The following PAFAH1B1 variants were observed in gnomAD, a reference collection of about 807,000 sequenced individuals.
PAFAH1B1 encodes platelet activating factor acetylhydrolase 1b regulatory subunit 1.
A neutral mutation model predicts 57.5 loss-of-function variants in PAFAH1B1; 2 were observed. The ratio of observed to expected loss-of-function variants is 0.03; its 90% CI spans 0.01 to 0.11. The LOEUF is 0.11. Among genes scored for constraint, PAFAH1B1 ranks in the 10% least tolerant of loss-of-function variants. PAFAH1B1 has a pLI of 1.00. For synonymous variants in PAFAH1B1, 152 were observed against 169.6 expected (o/e 0.90, Z 0.81); for missense variants, 257 against 512.0 (o/e 0.50, Z 4.81).
At chr17:2,678,556 ACT>A (rs1000240502) in intron 9 of PAFAH1B1, among the ~76,000 whole-genome samples, 15 of 151,378 alleles carry the variant, frequency 9.9e-5, no homozygotes, top group African/African-American at 2.9e-4. Flanking sequence ...GTGAAGTAAG[ACT>A]CTGTCTCCAG....
intron 1 of PAFAH1B1, among the ~76,000 whole-genome samples, chr17:2,615,539 C>T (rs2068328144): frequency 6.6e-6 from 1 of 152,012 alleles, no homozygotes; most frequent in Non-Finnish European, 1.5e-5. Flanking sequence ...CGCCCGGGTT[C>T]AAGCGATTCT....
At chr17:2,604,426 A>G (rs1485217262) in intron 1 of PAFAH1B1, among the ~76,000 whole-genome samples, 1 of 152,190 alleles carries the variant, frequency 6.6e-6, no homozygotes, top group Non-Finnish European at 1.5e-5. Flanking sequence ...TATACCTTGT[A>G]TGTGACCTGT....
chr17:2,652,964 T>C (rs1348890661), intron 2 of PAFAH1B1, among the ~76,000 whole-genome samples: 1 of 152,172 alleles, frequency 6.6e-6, no homozygotes, highest in African/African-American at 2.4e-5. Context: ...TAAAGACACA[T>C]GCACACATAT....
Position 2,612,400 on chromosome 17 carries a change from G to T in PAFAH1B1, c.-191+18394G>T, listed in dbSNP as rs549695392. On this transcript the variant is annotated intron_variant, in intron 1 of 10. Transcript: ENST00000397195. Reference sequence around the variant, plus strand: ...TTGTATTTTTTTTAGTAGAGACGAGGTTTTGCCATGTTGGCCAGGCTGGTC... The same window carrying T: ...TTGTATTTTTTTTAGTAGAGACGAGTTTTTGCCATGTTGGCCAGGCTGGTC... 2.1e-3 allele frequency among the ~76,000 whole-genome samples: 321 copies of T among 151,662 alleles called. 1 individual carries two copies. The highest frequency in any genetic ancestry group is 3.6e-3 in the Non-Finnish European group (247 of 67,894).
At chr17:2,656,079 C>T (rs898817719) in intron 2 of PAFAH1B1, among the ~76,000 whole-genome samples, 5 of 152,042 alleles carry the variant, frequency 3.3e-5, no homozygotes, top group African/African-American at 9.7e-5. Flanking sequence ...TCTGCCACCA[C>T]GCCCGGCTAA....
chr17:2,678,906 A>G (rs779592510), intron 9 of PAFAH1B1, among the ~76,000 whole-genome samples: 18 of 152,200 alleles, frequency 1.2e-4, no homozygotes, highest in Non-Finnish European at 2.4e-4. Context: ...AAAATTTTGC[A>G]GTGCTGTGCT....
chr17:2,599,971 C>CT (rs34442256), intron 1 of PAFAH1B1, among the ~76,000 whole-genome samples: 10,964 of 82,734 alleles, frequency 0.13, 827 homozygotes, highest in African/African-American at 0.22. Context: ...CATTTTTAAC[C>CT]TTTTTTTTTT....
chr17:2,621,939 G>A (rs188385329), intron 1 of PAFAH1B1, among the ~76,000 whole-genome samples: 57 of 152,070 alleles, frequency 3.7e-4, no homozygotes, highest in African/African-American at 1.3e-3. Flanking sequence ...GGCAGGAGGC[G>A]AAAGGCACCT....
intron 1 of PAFAH1B1, among the ~76,000 whole-genome samples, chr17:2,612,349 G>A (rs1048264368): frequency 2.6e-5 from 4 of 151,622 alleles, no homozygotes; most frequent in South Asian, 4.2e-4. Context: ...GACTACAGGC[G>A]CGCACCACCA....
chr17:2,616,664 T>C (rs1340760818), intron 1 of PAFAH1B1, among the ~76,000 whole-genome samples: 1 of 152,222 alleles, frequency 6.6e-6, no homozygotes, highest in African/African-American at 2.4e-5. Flanking sequence ...TCTAAACTAT[T>C]GTTTGATCAA....
chr17:2,615,135 A>G (rs1388307695), intron 1 of PAFAH1B1, among the ~76,000 whole-genome samples: 1 of 152,212 alleles, frequency 6.6e-6, no homozygotes, highest in African/African-American at 2.4e-5. Context: ...TATAACAACT[A>G]TTTACATAGC....
At chr17:2,621,305 TGTAA>T (rs1285589666) in intron 1 of PAFAH1B1, among the ~76,000 whole-genome samples, 1 of 152,196 alleles carries the variant, frequency 6.6e-6, no homozygotes, top group East Asian at 1.9e-4. Flanking sequence ...AGCTCCCGCT[TGTAA>T]GTGAGAACAT....
chr17:2,626,700 G>T (rs1202300621), intron 1 of PAFAH1B1, among the ~76,000 whole-genome samples: 2 of 151,558 alleles, frequency 1.3e-5, no homozygotes, highest in African/African-American at 4.8e-5. Flanking sequence ...GATTACATGC[G>T]CGTGCCACCA....
intron 2 of PAFAH1B1, among the ~76,000 whole-genome samples, chr17:2,642,971 C>T (rs1396032494): frequency 1.3e-5 from 2 of 152,156 alleles, no homozygotes; most frequent in African/African-American, 4.8e-5. Flanking sequence ...TTACCCCCAA[C>T]TCCTTTCATC....
chr17:2,609,725 T>C (rs2068245258), intron 1 of PAFAH1B1, among the ~76,000 whole-genome samples: 2 of 151,882 alleles, frequency 1.3e-5, no homozygotes, highest in Admixed American at 6.6e-5. Flanking sequence ...TTGGCCAGGC[T>C]GGTCTCGAAC....
chr17:2,651,346 G>A (rs1194854131), intron 2 of PAFAH1B1, among the ~76,000 whole-genome samples: 2 of 150,462 alleles, frequency 1.3e-5, no homozygotes, highest in Non-Finnish European at 2.9e-5. Flanking sequence ...GGAGACTGAG[G>A]CAGGCGGAAC....
intron 2 of PAFAH1B1, among the ~76,000 whole-genome samples, chr17:2,664,665 G>GCGCTCTCTCTCTCTCTCT: frequency 2.8e-4 from 24 of 86,088 alleles, no homozygotes; most frequent in Non-Finnish European, 3.7e-4. Context: ...TCTATCTATC[G>GCGCTCTCTCTCTCTCTCT]CTCTCTCTCT....
intron 1 of PAFAH1B1, among the ~76,000 whole-genome samples, chr17:2,621,468 G>A (rs928771610): frequency 3.3e-5 from 5 of 152,158 alleles, no homozygotes; most frequent in African/African-American, 1.2e-4. Context: ...ACAGATTCTT[G>A]AAAGCAACTG....
intron 5 of PAFAH1B1, among the ~76,000 whole-genome samples, chr17:2,669,323 G>C (rs940739259): frequency 6.7e-6 from 1 of 149,892 alleles, no homozygotes; most frequent in Non-Finnish European, 1.5e-5. Flanking sequence ...GGAGTGCAGT[G>C]GTATGATCTT....
Sources: allele counts gnomAD v4.1 joint callset (sites outside exome capture counted in the v4.1 genomes callset), GRCh38; gene constraint gnomAD v4.1.1; transcripts MANE v1.5; gene names NCBI Gene and HGNC (gene_info 2026-07-23, HGNC 2026-07-21).